The following THSD7B variants were observed in gnomAD, a reference collection of about 807,000 sequenced individuals.
THSD7B encodes the protein thrombospondin type 1 domain containing 7B, also known as thrombospondin type-1 domain-containing protein 7B.
Under a neutral mutation model 213.6 loss-of-function variants are expected in THSD7B, and 138 were observed. The ratio of observed to expected loss-of-function variants is 0.65; its 90% CI spans 0.56 to 0.74. The LOEUF is 0.74. THSD7B is among the 30% of genes least tolerant of loss of function. The probability of loss-of-function intolerance (pLI) is 0.00; values close to 1 mark genes in which losing one functional copy is unlikely to be tolerated. For missense variants in THSD7B, 1,931 were observed against 1,991.5 expected (o/e 0.97, Z 0.58); for synonymous variants, 742 against 687.0 (o/e 1.08, Z -1.25).
chr2:137,267,058 T>C (rs79801097), intron 10 of THSD7B, among the ~76,000 whole-genome samples: 4,073 of 152,268 alleles, frequency 0.027, 106 homozygotes, highest in Middle Eastern at 0.092. Context: ...AAAAGACTAG[T>C]GTAGACCTTC....
At chr2:137,482,285 G>T (rs569054270) in intron 15 of THSD7B, among the ~76,000 whole-genome samples, 1 of 151,738 alleles carries the variant, frequency 6.6e-6, no homozygotes, top group South Asian at 2.1e-4. Flanking sequence ...AATGTATTTT[G>T]CATGTTCACC....
chr2:136,808,480 A>G (rs1307461567), intron 1 of THSD7B, among the ~76,000 whole-genome samples: 2 of 152,228 alleles, frequency 1.3e-5, no homozygotes, highest in Non-Finnish European at 2.9e-5. Flanking sequence ...GTTTATGTCC[A>G]TCACCTATTG....
At chr2:137,383,015 A>G (rs543057070) in intron 12 of THSD7B, among the ~76,000 whole-genome samples, 4 of 152,340 alleles carry the variant, frequency 2.6e-5, no homozygotes, top group South Asian at 2.1e-4. Flanking sequence ...GATGGTGATC[A>G]CCAAGGAAGC....
chr2:137,497,413 G>A (rs1267624466), intron 15 of THSD7B, among the ~76,000 whole-genome samples: 2 of 152,006 alleles, frequency 1.3e-5, no homozygotes, highest in Non-Finnish European at 2.9e-5. Flanking sequence ...AGTAAACTAT[G>A]TAGGTCTTCC....
At chr2:137,480,276 A>G (rs1407238001) in intron 15 of THSD7B, among the ~76,000 whole-genome samples, 1 of 152,092 alleles carries the variant, frequency 6.6e-6, no homozygotes, top group East Asian at 1.9e-4. Flanking sequence ...ATCATTTGGG[A>G]TAAGAACATG....
chr2:137,311,365 G>T (rs1683901695), intron 12 of THSD7B, among the ~76,000 whole-genome samples: 1 of 152,010 alleles, frequency 6.6e-6, no homozygotes, highest in Non-Finnish European at 1.5e-5. Context: ...TGTATCCTGA[G>T]ACTTTGCTGA....
intron 20 of THSD7B, among the ~76,000 whole-genome samples, chr2:137,635,889 A>G (rs1268466752): frequency 6.6e-6 from 1 of 152,028 alleles, no homozygotes; most frequent in East Asian, 1.9e-4. Flanking sequence ...TTTTAGTAGA[A>G]ATGGGGTTTT....
chr2:136,781,455 A>G (rs1162317851), intron 1 of THSD7B, among the ~76,000 whole-genome samples: 1 of 147,144 alleles, frequency 6.8e-6, no homozygotes, highest in Non-Finnish European at 1.5e-5. Context: ...AAATTTTTTT[A>G]GAGACACGGT....
intron 5 of THSD7B, among the ~76,000 whole-genome samples, chr2:137,140,084 A>G (rs905102930): frequency 1.3e-5 from 2 of 152,118 alleles, no homozygotes; most frequent in African/African-American, 4.8e-5. Flanking sequence ...TGTCCTAAGA[A>G]TATCAGGGCT....
At chr2:137,080,331 A>G (rs1687719353) in intron 3 of THSD7B, among the ~76,000 whole-genome samples, 1 of 147,220 alleles carries the variant, frequency 6.8e-6, no homozygotes, top group African/African-American at 2.5e-5. Context: ...ACTCCCAAGC[A>G]GCTGCGATTA....
intron 17 of THSD7B, among the ~76,000 whole-genome samples, chr2:137,586,825 C>A (rs1008070247): frequency 2.6e-5 from 4 of 152,182 alleles, no homozygotes; most frequent in African/African-American, 9.7e-5. Context: ...TGGAGTTGCT[C>A]TCCTTGAGGA....
chr2:137,218,261 A>G (rs1466705466), intron 7 of THSD7B, among the ~76,000 whole-genome samples: 1 of 152,138 alleles, frequency 6.6e-6, no homozygotes, highest in East Asian at 1.9e-4. Flanking sequence ...TACTCTGAGC[A>G]CACAACTTGA....
At chr2:136,990,812 C>T (rs769977664) in intron 2 of THSD7B, 25 of 1,143,540 alleles carry the variant, frequency 2.2e-5, no homozygotes, top group Non-Finnish European at 2.9e-5. Context: ...AGTGCCTGGC[C>T]GATGGTGTTT....
At chr2:137,467,195 A>G (rs1038875403) in intron 15 of THSD7B, among the ~76,000 whole-genome samples, 1 of 152,150 alleles carries the variant, frequency 6.6e-6, no homozygotes, top group Non-Finnish European at 1.5e-5. Context: ...ATAGAAATCT[A>G]TAATATTTGT....
chr2:136,858,087 CA>C (rs1166623256), intron 1 of THSD7B, among the ~76,000 whole-genome samples: 1 of 152,092 alleles, frequency 6.6e-6, no homozygotes, highest in African/African-American at 2.4e-5. Context: ...GCATTACAAA[CA>C]GATGTCTTAC....
intron 1 of THSD7B, among the ~76,000 whole-genome samples, chr2:136,833,363 C>CG (rs1682788546): frequency 1.8e-5 from 1 of 55,478 alleles, no homozygotes; most frequent in African/African-American, 7.0e-5. Context: ...GACTCCGTCT[C>CG]AAAAAAAAAA....
chr2:137,252,686 G>T (rs555278600), intron 10 of THSD7B, among the ~76,000 whole-genome samples: 5 of 152,190 alleles, frequency 3.3e-5, no homozygotes, highest in Non-Finnish European at 7.3e-5. Flanking sequence ...ATGTGGAAGG[G>T]GAGGGGACAG....
rs1386786926 is a variant in THSD7B at position 137,334,189 on chromosome 2, T to TCTCTCTTTCTCTCTTTCTCC, written c.2500+58169_2500+58170insTTCTCTCTTTCTCCCTCTCT. ...CTCTCTTTCTCTCTCTCTCTCTCTC[T>TCTCTCTTTCTCTCTTTCTCC]CTCTCTCTCTCTTTCTCTCTTTCTC... On this transcript the variant is annotated intron_variant, in intron 12 of 27. Transcript: ENST00000409968. Among the ~76,000 whole-genome samples the TCTCTCTTTCTCTCTTTCTCC allele has an allele frequency of 3.3e-4, 50 of 152,050 alleles. No individual in the cohort carries two copies. In the East Asian group the frequency reaches 9.5e-3, roughly 29 times the overall value.
At chr2:137,418,977 G>C (rs953110959) in intron 14 of THSD7B, among the ~76,000 whole-genome samples, 1 of 151,806 alleles carries the variant, frequency 6.6e-6, no homozygotes, top group African/African-American at 2.4e-5. Flanking sequence ...GTGCAATCTG[G>C]GCTCACTGCA....
Sources: gnomAD v4.1 joint callset for allele counts (sites outside exome capture counted in the v4.1 genomes callset) on GRCh38, gnomAD v4.1.1 for gene constraint, MANE v1.5 for transcripts, NCBI Gene and HGNC (gene_info 2026-07-23, HGNC 2026-07-21) for gene names.